GVQW3: variants seen among roughly 807,000 people sequenced by gnomAD.
The protein encoded by GVQW3 is GVQW motif containing 3, also known as protein GVQW3.
Under a neutral mutation model 12.5 loss-of-function variants are expected in GVQW3, and 7 were observed. The observed-to-expected ratio is 0.56, with a 90% CI of 0.32 to 1.05. GVQW3 has a LOEUF of 1.05. Ranked by LOEUF, GVQW3 falls within the 50% of genes least tolerant of loss-of-function variation. The probability of loss-of-function intolerance (pLI) is 0.04; values close to 1 mark genes in which losing one functional copy is unlikely to be tolerated. For missense variants in GVQW3, 188 were observed against 190.8 expected, an observed-to-expected ratio of 0.99 and a Z score of 0.09; for synonymous variants, 71 against 67.2, an observed-to-expected ratio of 1.06 and a Z score of -0.28.
intron 1 of GVQW3, among the ~76,000 whole-genome samples, chr11:76,401,789 AAAG>A (rs1320082962): frequency 2.0e-5 from 3 of 146,402 alleles, no homozygotes; most frequent in South Asian, 2.2e-4. Context: ...AAAAAAAAAA[AAAG>A]AAAGAAAGAA....
chr11:76,387,636 G>C (rs1442794018), intron 1 of GVQW3, among the ~76,000 whole-genome samples: 3 of 150,644 alleles, frequency 2.0e-5, no homozygotes, highest in African/African-American at 4.9e-5. Context: ...TGTGGAAATT[G>C]TGGGCCAGGC....
chr11:76,398,335 A>G (rs928732830), intron 1 of GVQW3, among the ~76,000 whole-genome samples: 7 of 151,980 alleles, frequency 4.6e-5, no homozygotes, highest in Admixed American at 1.3e-4. Context: ...AGACAGTCTC[A>G]CTTTGTAGCC....
chr11:76,395,930 C>T (rs1034229104), intron 1 of GVQW3, among the ~76,000 whole-genome samples: 4 of 152,232 alleles, frequency 2.6e-5, no homozygotes, highest in South Asian at 2.1e-4. Flanking sequence ...TGAGGGCACC[C>T]GAAACCTTAT....
chr11:76,390,690 G>C (rs908123130), intron 1 of GVQW3, among the ~76,000 whole-genome samples: 1 of 152,178 alleles, frequency 6.6e-6, no homozygotes, highest in Non-Finnish European at 1.5e-5. Flanking sequence ...AGCCGGGCGC[G>C]GTGGCGGGCG....
Position 76,382,277 on chromosome 11 carries a change from C to T in GVQW3, c.449C>T (p.Ser150Leu). The T allele has an allele frequency of 6.6e-7, 1 of 1,524,542 alleles. No homozygotes were observed. Among genetic ancestry groups the T allele is most frequent in the Non-Finnish European group, 8.8e-7 (1 of 1,136,684 alleles). 94.4% of individuals were successfully genotyped at this position (1,524,542 alleles called of 1,614,324 possible). A position where few individuals can be genotyped will look rare whatever the true frequency, so the allele number is the denominator to read the frequency against. Residue 150 changes from serine (S) to leucine (L), a missense_variant, in exon 1 of 2, where the codon TCA (serine) becomes TTA (leucine). Physicochemically the swap from Ser to Leu is moderately radical, Grantham distance 145. Transcript: ENST00000529331. ...DLSKETRKNS[S>L]CLRKKRRNLT... Reference sequence around the variant, plus strand: ...TCAAAGGAAACTAGGAAAAATAGCTCATGTTTGAGGAAAAAGGTAACAGGT... The same window carrying T: ...TCAAAGGAAACTAGGAAAAATAGCTTATGTTTGAGGAAAAAGGTAACAGGT...
Position 76,407,961 on chromosome 11 carries a change from T to C in GVQW3, c.*4203T>C, listed in dbSNP as rs1447359096. 9.2e-5 allele frequency: 14 copies of C among 151,982 alleles called. No individual in the cohort carries two copies. Among genetic ancestry groups the C allele is most frequent in the Non-Finnish European group, 1.9e-4 (13 of 68,004 alleles). The allele number at this position is 151,982 out of a possible 1,614,324, so 9.4% of individuals were successfully genotyped here. A position where few individuals can be genotyped will look rare whatever the true frequency, so the allele number is the denominator to read the frequency against. On this transcript the variant is annotated 3_prime_UTR_variant, in exon 2 of 2. Coordinates refer to ENST00000529331, the MANE Select transcript of GVQW3 (RefSeq NM_001347885.2). ...GTATGCTAAAACAAACCCCTCAAGA[T>C]AGATCCAAAACATTACCAGTGGTTT...
rs1947058695 is a variant in GVQW3, at chr11:76,408,051, TTTC to T, written c.*4296_*4298del. 1 of 152,080 alleles carries T rather than the reference TTTC, an allele frequency of 6.6e-6. No individual in the cohort carries two copies. Among genetic ancestry groups the T allele is most frequent in the Non-Finnish European group, 1.5e-5 (1 of 68,032 alleles). 9.4% of individuals were successfully genotyped at this position (152,080 alleles called of 1,614,324 possible). A position where few individuals can be genotyped will look rare whatever the true frequency, so the allele number is the denominator to read the frequency against. ...TCATTATGCTTTTATATATATAATT[TTTC>T]TTATTATAACAATAAATATTACTTT... On this transcript the variant is annotated 3_prime_UTR_variant, in exon 2 of 2. Coordinates refer to ENST00000529331, the MANE Select transcript of GVQW3 (RefSeq NM_001347885.2).
chr11:76,402,214 T>C (rs753617333), intron 1 of GVQW3, among the ~76,000 whole-genome samples: 6 of 152,174 alleles, frequency 3.9e-5, no homozygotes, highest in Non-Finnish European at 8.8e-5. Context: ...TCATTTCTGA[T>C]GTCTAGAAAT....
In GVQW3 at chr11:76,406,154, G is replaced by A. The variant is rs929569966; in HGVS notation, c.*2396G>A. 6.7e-6 allele frequency: 1 copy of A among 150,110 alleles called. No individual in the cohort carries two copies. Among genetic ancestry groups the A allele is most frequent in the African/African-American group, 2.5e-5 (1 of 40,204 alleles). The allele number at this position is 150,110 out of a possible 1,614,324, so 9.3% of individuals were successfully genotyped here. On this transcript the variant is annotated 3_prime_UTR_variant, in exon 2 of 2. Coordinates refer to ENST00000529331, the MANE Select transcript of GVQW3 (RefSeq NM_001347885.2). ...TGCCCAGCTAATTTTTGCATTTTTT[G>A]TAGAGTCAGGGTTTCACCCTGTTGC...
In GVQW3 at chr11:76,406,973, A is replaced by C. The variant is rs1947045912; in HGVS notation, c.*3215A>C. On this transcript the variant is annotated 3_prime_UTR_variant, in exon 2 of 2. Coordinates refer to ENST00000529331, the MANE Select transcript of GVQW3 (RefSeq NM_001347885.2). The stretch of plus-strand genomic sequence containing the variant: ...CAGTGAGCCAAGGTCACACCACTGC[A>C]CTCCAGCCTGGGCTACAGAGCGAGA... 1 of 152,132 alleles carries C rather than the reference A, an allele frequency of 6.6e-6. No homozygotes were observed. Among genetic ancestry groups the C allele is most frequent in the South Asian group, 2.1e-4 (1 of 4,828 alleles). The allele number at this position is 152,132 out of a possible 1,614,324, so 9.4% of individuals were successfully genotyped here. A position where few individuals can be genotyped will look rare whatever the true frequency, so the allele number is the denominator to read the frequency against.
intron 1 of GVQW3, among the ~76,000 whole-genome samples, chr11:76,398,613 T>C (rs548243197): frequency 6.6e-6 from 1 of 152,220 alleles, no homozygotes; most frequent in South Asian, 2.1e-4. Context: ...GTGCCTGGCC[T>C]CAATTTTCTT....
At chr11:76,414,572 T>A (rs937562924) in exon 2 of GVQW3, 3 of 149,648 alleles carry the variant, frequency 2.0e-5, no homozygotes, top group African/African-American at 7.5e-5. Context: ...TGCCTCATGG[T>A]CATTGCCAGA....
At chr11:76,399,896 C>G (rs1013135650) in intron 1 of GVQW3, among the ~76,000 whole-genome samples, 2 of 152,062 alleles carry the variant, frequency 1.3e-5, no homozygotes, top group African/African-American at 4.8e-5. Flanking sequence ...ACTGTTGGCT[C>G]TCCTGGGTCT....
chr11:76,382,366 C>G, intron 1 of GVQW3, 73 bp downstream of exon 1: 1 of 959,098 alleles, frequency 1.0e-6, no homozygotes, highest in Non-Finnish European at 1.6e-6. Context: ...GGTATCCCAT[C>G]CCAGAGTCCA....
Position 76,397,002 on chromosome 11 carries a change from C to CTTT in GVQW3, c.466-6640_466-6638dup, listed in dbSNP as rs11401694. 3.3e-3 allele frequency among the ~76,000 whole-genome samples: 369 copies of CTTT among 110,852 alleles called. 12 individuals are homozygous for CTTT. The highest frequency in any genetic ancestry group is 0.018 in the Middle Eastern group (3 of 168). 72.7% of individuals were successfully genotyped at this position (110,852 alleles called of 152,430 possible). A position where few individuals can be genotyped will look rare whatever the true frequency, so the allele number is the denominator to read the frequency against. ...TGGAGCATGGGTCAGTCATTTATTC[C>CTTT]TTTTTTTTTTTTTTTTTTTTGAGAT... is the stretch of plus-strand genomic sequence containing the variant. On this transcript the variant is annotated intron_variant, in intron 1 of 1. Transcript: ENST00000529331.
rs909722392 is a variant in GVQW3 at position 76,407,042 on chromosome 11, A to C, written c.*3284A>C. 5 of 152,002 alleles carry C rather than the reference A, an allele frequency of 3.3e-5. No individual in the cohort carries two copies. Among genetic ancestry groups the C allele is most frequent in the African/African-American group, 1.2e-4 (5 of 41,398 alleles). 9.4% of individuals were successfully genotyped at this position (152,002 alleles called of 1,614,324 possible). A position where few individuals can be genotyped will look rare whatever the true frequency, so the allele number is the denominator to read the frequency against. On this transcript the variant is annotated 3_prime_UTR_variant, in exon 2 of 2. Transcript: ENST00000529331. ...ATAAAATAAAATAAAATAAATAAAT[A>C]AATAAATATGCCCTCCCAGGTTGAC...
intron 1 of GVQW3, among the ~76,000 whole-genome samples, chr11:76,390,644 A>T (rs1431331289): frequency 6.6e-6 from 1 of 151,914 alleles, no homozygotes; most frequent in Non-Finnish European, 1.5e-5. Flanking sequence ...GACCACGGTG[A>T]AACCCCGTCT....
chr11:76,403,568 C>A (rs1281359347), intron 1 of GVQW3, 92 bp from the exon 2 acceptor site: 3 of 420,042 alleles, frequency 7.1e-6, no homozygotes, highest in African/African-American at 2.0e-5. Context: ...TTCCTGGGCT[C>A]AAGCAGTCCT....
chr11:76,399,580 G>T (rs1473408001), intron 1 of GVQW3, among the ~76,000 whole-genome samples: 1 of 152,174 alleles, frequency 6.6e-6, no homozygotes, highest in Non-Finnish European at 1.5e-5. Context: ...GGTGTGTCTG[G>T]GAGGGTGTTT....
Sources: allele counts gnomAD v4.1 joint callset (sites outside exome capture counted in the v4.1 genomes callset), GRCh38; gene constraint gnomAD v4.1.1; transcripts MANE v1.5; gene names NCBI Gene and HGNC (gene_info 2026-07-23, HGNC 2026-07-21).